The following IL1RAPL2 variants were observed in gnomAD, a reference collection of about 807,000 sequenced individuals.
IL1RAPL2 encodes the protein interleukin 1 receptor accessory protein like 2.
A neutral mutation model predicts 44.1 loss-of-function variants in IL1RAPL2; 3 were observed. The observed-to-expected ratio is 0.07, with a 90% CI of 0.03 to 0.18. IL1RAPL2 has a LOEUF of 0.18. Among genes scored for constraint, IL1RAPL2 ranks in the 10% least tolerant of loss-of-function variants. IL1RAPL2 has a pLI of 1.00. For missense variants in IL1RAPL2, 391 were observed against 496.4 expected, an observed-to-expected ratio of 0.79 and a Z score of 2.02; for synonymous variants, 181 against 178.8, an observed-to-expected ratio of 1.01 and a Z score of -0.10.
chrX:105,023,841 T>A (rs959609924), intron 2 of IL1RAPL2, among the ~76,000 whole-genome samples: 1 of 111,537 alleles, frequency 9.0e-6, no homozygotes, highest in African/African-American at 3.2e-5. Flanking sequence ...ATTTTACTCT[T>A]ATCGGGGCAG....
chrX:104,704,502 A>G (rs771681955), intron 2 of IL1RAPL2, among the ~76,000 whole-genome samples: 2 of 111,317 alleles, frequency 1.8e-5, no homozygotes, highest in South Asian at 7.6e-4. Flanking sequence ...AATATATTGG[A>G]CATGGCCTCT....
intron 2 of IL1RAPL2, among the ~76,000 whole-genome samples, chrX:104,690,682 A>G (rs1931076342): frequency 8.9e-6 from 1 of 111,946 alleles, no homozygotes; most frequent in African/African-American, 3.2e-5. Context: ...TTTCTTGTTC[A>G]TTCTTCTCAG....
At chrX:104,798,582 T>C (rs956864621) in intron 2 of IL1RAPL2, among the ~76,000 whole-genome samples, 1 of 110,350 alleles carries the variant, frequency 9.1e-6, no homozygotes, top group African/African-American at 3.3e-5. Flanking sequence ...AGGAGAATGG[T>C]GTGAACCCGG....
intron 1 of IL1RAPL2, among the ~76,000 whole-genome samples, chrX:104,656,887 G>A (rs1049984415): frequency 4.5e-5 from 5 of 111,139 alleles, no homozygotes; most frequent in African/African-American, 1.3e-4. Flanking sequence ...TATTTAGGAT[G>A]GTTAGCTCTT....
intron 1 of IL1RAPL2, among the ~76,000 whole-genome samples, chrX:104,640,694 G>A (rs1929916219): frequency 8.9e-6 from 1 of 111,911 alleles, no homozygotes; most frequent in African/African-American, 3.3e-5. Context: ...TGGTTGGGGA[G>A]GACTCTTTGG....
chrX:105,531,282 T>C (rs2036633754), intron 6 of IL1RAPL2, among the ~76,000 whole-genome samples: 1 of 112,332 alleles, frequency 8.9e-6, no homozygotes, highest in Non-Finnish European at 1.9e-5. Context: ...GCAGTTTTGA[T>C]TTGCATTTCT....
intron 6 of IL1RAPL2, among the ~76,000 whole-genome samples, chrX:105,505,833 T>G (rs2036427353): frequency 8.9e-6 from 1 of 112,055 alleles, no homozygotes; most frequent in Non-Finnish European, 1.9e-5. Context: ...ATGTCCTATA[T>G]ACCTTTTCAC....
At chrX:105,576,247 A>G (rs1432190399) in intron 6 of IL1RAPL2, among the ~76,000 whole-genome samples, 1 of 110,945 alleles carries the variant, frequency 9.0e-6, no homozygotes, top group Non-Finnish European at 1.9e-5. Flanking sequence ...TATATCTAGA[A>G]TGGTATTGTG....
At chrX:105,589,074 C>G (rs1242941615) in intron 6 of IL1RAPL2, among the ~76,000 whole-genome samples, 6 of 111,671 alleles carry the variant, frequency 5.4e-5, no homozygotes, top group Non-Finnish European at 1.1e-4. Context: ...TTGATAATAG[C>G]CATTCCAAGT....
intron 4 of IL1RAPL2, among the ~76,000 whole-genome samples, chrX:105,260,797 A>G (rs1294959829): frequency 8.9e-6 from 1 of 112,471 alleles, no homozygotes; most frequent in Non-Finnish European, 1.9e-5. Context: ...AGTCACCCAA[A>G]CAGCAAAGAT....
chrX:104,806,753 G>A (rs1167779575), intron 2 of IL1RAPL2, among the ~76,000 whole-genome samples: 1 of 111,965 alleles, frequency 8.9e-6, no homozygotes. Flanking sequence ...TGCTGAGGTT[G>A]GGGATAGTTT....
At chrX:105,154,480 T>C (rs746425190) in intron 2 of IL1RAPL2, among the ~76,000 whole-genome samples, 4 of 111,648 alleles carry the variant, frequency 3.6e-5, no homozygotes, top group Admixed American at 9.5e-5. Flanking sequence ...CTCCTATCCT[T>C]GGTGCCAAAC....
At chrX:104,909,594 T>TAG (rs1569340235) in intron 2 of IL1RAPL2, among the ~76,000 whole-genome samples, 3 of 111,328 alleles carry the variant, frequency 2.7e-5, no homozygotes, top group African/African-American at 9.8e-5. Flanking sequence ...TCTGTTGGAG[T>TAG]CCCCTTGCCG....
intron 5 of IL1RAPL2, chrX:105,405,759 C>T: frequency 3.0e-6 from 3 of 1,001,859 alleles, no homozygotes; most frequent in Non-Finnish European, 4.3e-6. Context: ...CAACACTCAG[C>T]ATTCAAGAAA....
intron 6 of IL1RAPL2, among the ~76,000 whole-genome samples, chrX:105,635,381 T>C (rs1461875570): frequency 8.9e-6 from 1 of 111,854 alleles, no homozygotes; most frequent in Admixed American, 9.5e-5. Flanking sequence ...ATCAGTTATG[T>C]AAATGTAAAC....
intron 2 of IL1RAPL2, among the ~76,000 whole-genome samples, chrX:105,176,513 C>T (rs1275990794): frequency 9.0e-6 from 1 of 110,555 alleles, no homozygotes; most frequent in Non-Finnish European, 1.9e-5. Flanking sequence ...TCACCGGCAT[C>T]CTGAGAGCCC....
chrX:104,899,922 C>T (rs993192708), intron 2 of IL1RAPL2, among the ~76,000 whole-genome samples: 3 of 112,347 alleles, frequency 2.7e-5, no homozygotes, highest in African/African-American at 9.7e-5. Context: ...TGTAATGACA[C>T]CTTGCTTCTC....
chrX:105,426,016 G>GT (rs749722375), intron 5 of IL1RAPL2, among the ~76,000 whole-genome samples: 8,071 of 89,407 alleles, frequency 0.09, 360 homozygotes, highest in Non-Finnish European at 0.14. Context: ...TATTTTTTCT[G>GT]TTTTTTTTTT....
At chrX:105,259,038 T>C (rs1435252822) in intron 4 of IL1RAPL2, among the ~76,000 whole-genome samples, 1 of 112,120 alleles carries the variant, frequency 8.9e-6, no homozygotes, top group Non-Finnish European at 1.9e-5. Context: ...GCGTTGGTTC[T>C]TTCTCATCTC....
Sources: allele counts gnomAD v4.1 joint callset (sites outside exome capture counted in the v4.1 genomes callset), GRCh38; gene constraint gnomAD v4.1.1; transcripts MANE v1.5; gene names NCBI Gene and HGNC (gene_info 2026-07-23, HGNC 2026-07-21).